The following ENO4 variants were observed in gnomAD, a reference collection of about 807,000 sequenced individuals.
The protein encoded by ENO4 is enolase 4.
ENO4 carries 53 observed loss-of-function variants against 63.2 expected under a neutral mutation model. The ratio of observed to expected loss-of-function variants is 0.84; its 90% CI spans 0.67 to 1.05. The LOEUF is 1.05. ENO4 is among the 50% of genes least tolerant of loss of function. The probability of loss-of-function intolerance (pLI) is 0.00; values close to 1 mark genes in which losing one functional copy is unlikely to be tolerated. For missense variants in ENO4, 719 were observed against 772.0 expected, an observed-to-expected ratio of 0.93 and a Z score of 0.81; for synonymous variants, 266 against 283.8, an observed-to-expected ratio of 0.94 and a Z score of 0.63.
chr10:116,866,564 C>A (rs545202183), intron 7 of ENO4, among the ~76,000 whole-genome samples: 1 of 152,276 alleles, frequency 6.6e-6, no homozygotes, highest in South Asian at 2.1e-4. Context: ...TAGCACATGC[C>A]TATAATCCCG....
At chr10:116,893,210 A>T (rs1340152970) in intron 10 of ENO4, among the ~76,000 whole-genome samples, 1 of 152,158 alleles carries the variant, frequency 6.6e-6, no homozygotes, top group African/African-American at 2.4e-5. Context: ...GGCAGTCCAC[A>T]GGATAACTCC....
downstream of ENO4, chr10:116,885,563 T>C (rs938382405): frequency 1.3e-5 from 2 of 152,626 alleles, no homozygotes; most frequent in African/African-American, 4.8e-5. Context: ...TAAAATATGG[T>C]ACTTGTGCCA....
At position 116,856,576 on chromosome 10, in the gene ENO4, A is replaced by T; in HGVS notation, c.379A>T (p.Arg127Trp). 1 of 1,536,164 alleles carries T rather than the reference A, an allele frequency of 6.5e-7. No individual in the cohort carries two copies. The highest frequency in any genetic ancestry group is 8.7e-7 in the Non-Finnish European group (1 of 1,146,926). Residue 127 changes from arginine to tryptophan, a missense_variant, in exon 3 of 14, where the codon AGG becomes TGG. Physicochemically the swap from Arg to Trp is moderately radical, Grantham distance 101. This residue lies in a region of ENO4 where 544 missense variants were observed against 583.6 expected (regional missense o/e 0.93). Transcript: ENST00000341276. ...GCTGGCCAAGGCGGAGGAGGCAGAG[A>T]GGGCCAGCGCGGTGAGCACCGCCGT... ...PELAKAEEAERASAVSTAVQW... is the reference protein window; with the variant it reads ...PELAKAEEAEWASAVSTAVQW...
intron 8 of ENO4, 36 bp downstream of exon 8, chr10:116,868,742 A>T: frequency 6.6e-7 from 1 of 1,519,058 alleles, no homozygotes; most frequent in South Asian, 1.2e-5. Context: ...CTTCCATATG[A>T]CACTGTCTAT....
chr10:116,877,684 G>C (rs1281716058), intron 11 of ENO4, among the ~76,000 whole-genome samples: 1 of 152,140 alleles, frequency 6.6e-6, no homozygotes, highest in Non-Finnish European at 1.5e-5. Context: ...CCCAGCAATG[G>C]GGATCAGGGG....
rs372921040 is a variant in ENO4 at position 116,877,219 on chromosome 10, C to T, written c.1537+959C>T. 3.5e-4 allele frequency among the ~76,000 whole-genome samples: 54 copies of T among 152,216 alleles called. 2 individuals carry two copies. The East Asian group carries it at 9.9e-3, about 28-fold the overall frequency. On this transcript the variant is annotated intron_variant, in intron 11 of 13. Transcript: ENST00000341276. ...CACATTACCGCAGTATTGTAAATTT[C>T]CTCCTATCATTTACTACCACTTTAT... is the stretch of plus-strand genomic sequence containing the variant.
At chr10:116,899,345 T>C (rs1005056633) in intron 10 of ENO4, among the ~76,000 whole-genome samples, 2 of 152,028 alleles carry the variant, frequency 1.3e-5, no homozygotes, top group Non-Finnish European at 2.9e-5. Context: ...GTAGGCCTCA[T>C]AGAGAAGATA....
chr10:116,882,287 G>C lies in ENO4; in HGVS notation c.*618G>C, dbSNP rs1847039242. 1 of 151,194 alleles carries C rather than the reference G, an allele frequency of 6.6e-6. No individual in the cohort carries two copies. The highest frequency in any genetic ancestry group is 6.6e-5 in the Admixed American group (1 of 15,132). The allele number at this position is 151,194 out of a possible 1,614,324, so 9.4% of individuals were successfully genotyped here. A position where few individuals can be genotyped will look rare whatever the true frequency, so the allele number is the denominator to read the frequency against. ...CGAGTCTTCTTAGATCCTTTTTGGA[G>C]TAAGAATGAGTATAAATGAATAAGC... On this transcript the variant is annotated 3_prime_UTR_variant, in exon 14 of 14. Transcript: ENST00000341276.
intron 10 of ENO4, among the ~76,000 whole-genome samples, chr10:116,898,019 A>G (rs898588561): frequency 6.6e-6 from 1 of 152,180 alleles, no homozygotes; most frequent in African/African-American, 2.4e-5. Context: ...AAAGTAAAAG[A>G]GTTTCTTTTA....
intron 10 of ENO4, among the ~76,000 whole-genome samples, chr10:116,890,079 A>G (rs1337404789): frequency 1.3e-5 from 2 of 152,336 alleles, no homozygotes; most frequent in African/African-American, 4.8e-5. Context: ...AGAGGGTTAA[A>G]TATGAAGCTT....
Position 116,860,838 on chromosome 10 carries a change from C to CCTG in ENO4, c.680_682dup (p.Pro227_Val228insAla), listed in dbSNP as rs1358311918. The stretch of plus-strand genomic sequence containing the variant: ...AGAGAAACCTATTGCGCCTGCAGAG[C>CCTG]CTGTTGAGCCTGTACTCAGTGGCAG... On this transcript the variant is annotated inframe_insertion, in exon 5 of 14. Coordinates refer to ENST00000341276, the MANE Select transcript of ENO4 (RefSeq NM_001242699.2). 6.5e-7 allele frequency: 1 copy of CCTG among 1,543,568 alleles called. No homozygotes were observed. The highest frequency in any genetic ancestry group is 1.4e-5 in the African/African-American group (1 of 73,048).
In ENO4 at chr10:116,905,636, C is replaced by T. The variant is rs145914694; in HGVS notation, c.1195-5863C>T. On this transcript the variant is annotated intron_variant, in intron 10 of 10. Transcript: ENST00000369207. The stretch of plus-strand genomic sequence containing the variant: ...GAGAACTTGATGATCAAAAACCCAT[C>T]TTTAATATTCTTGCTACTTAAATTT... Among the ~76,000 whole-genome samples, 1,062 of 152,256 alleles carry T rather than the reference C, an allele frequency of 7.0e-3. 18 individuals are homozygous for T. The highest frequency in any genetic ancestry group is 0.025 in the African/African-American group (1,026 of 41,548).
intron 1 of ENO4, among the ~76,000 whole-genome samples, chr10:116,850,858 G>A (rs532823718): frequency 1.3e-5 from 2 of 152,242 alleles, no homozygotes; most frequent in Admixed American, 6.5e-5. Context: ...TTTTCCCAAA[G>A]GACATAGTGA....
intron 7 of ENO4, 90 bp from the exon 8 acceptor site, chr10:116,868,560 G>A (rs1210037847): frequency 9.5e-7 from 1 of 1,053,358 alleles, no homozygotes; most frequent in Admixed American, 2.0e-5. Context: ...ATTCAGTGTT[G>A]CTGGTCAGGT....
At chr10:116,862,386 C>A (rs1000608395) in intron 6 of ENO4, among the ~76,000 whole-genome samples, 1 of 151,948 alleles carries the variant, frequency 6.6e-6, no homozygotes, top group African/African-American at 2.4e-5. Flanking sequence ...ATTGCTTGAA[C>A]AATTCGGAGT....
chr10:116,889,648 G>A lies in ENO4; in HGVS notation c.1194+9662G>A, dbSNP rs182906298. Among the ~76,000 whole-genome samples the A allele has an allele frequency of 2.0e-3, 300 of 152,328 alleles. 2 individuals carry two copies. The highest frequency in any genetic ancestry group is 2.9e-3 in the Non-Finnish European group (199 of 68,018). ...CATCAGTGGCAGAGTCAGAACAAGAGTCAGAAGCTCCTGTCTCCCTGTTTC... is the reference window on the plus strand; with the variant it reads ...CATCAGTGGCAGAGTCAGAACAAGAATCAGAAGCTCCTGTCTCCCTGTTTC... On this transcript the variant is annotated intron_variant, in intron 10 of 10. Coordinates refer to the ENO4 transcript ENST00000369207.
intron 10 of ENO4, among the ~76,000 whole-genome samples, chr10:116,899,546 T>TGTGTGTGTGTGTGTGTGTGTGA (rs1311755308): frequency 8.1e-5 from 10 of 123,800 alleles, no homozygotes; most frequent in African/African-American, 2.6e-4. Flanking sequence ...TGTGTGTGTG[T>TGTGTGTGTGTGTGTGTGTGTGA]GAGAGAGTGC....
chr10:116,866,730 A>C (rs1201207043), intron 7 of ENO4, among the ~76,000 whole-genome samples: 2 of 151,864 alleles, frequency 1.3e-5, no homozygotes, highest in Non-Finnish European at 2.9e-5. Context: ...GCTTGAGCCC[A>C]GGAGTTTGAG....
intron 10 of ENO4, among the ~76,000 whole-genome samples, chr10:116,895,202 T>C (rs1436261696): frequency 1.3e-5 from 2 of 152,212 alleles, no homozygotes; most frequent in African/African-American, 2.4e-5. Context: ...TCTAATCCAA[T>C]GATTACGGTC....
Sources: gnomAD v4.1 joint callset for allele counts (sites outside exome capture counted in the v4.1 genomes callset) on GRCh38, gnomAD v4.1.1 for gene constraint, gnomAD v4.1.1 regional missense constraint, MANE v1.5 for transcripts, NCBI Gene and HGNC (gene_info 2026-07-23, HGNC 2026-07-21) for gene names.